Variants in DMD observed in about 807,000 individuals in gnomAD.
DMD encodes dystrophin, also known as mutant dystrophin.
In DMD, 63 loss-of-function variants were observed where a neutral mutation model predicts 330.1. That is an observed-to-expected ratio of 0.19 (90% CI 0.16 to 0.24). DMD has a LOEUF of 0.24. Among genes scored for constraint, DMD ranks in the 10% least tolerant of loss-of-function variants. The probability of loss-of-function intolerance (pLI) is 1.00; values close to 1 mark genes in which losing one functional copy is unlikely to be tolerated. For synonymous variants in DMD, 1,223 were observed against 959.8 expected (o/e 1.27, Z -5.07); for missense variants, 3,344 against 2,684.1 (o/e 1.25, Z -5.43).
chrX:32,397,635 T>A (rs1439443566), intron 30 of DMD, among the ~76,000 whole-genome samples: 1 of 111,920 alleles, frequency 8.9e-6, no homozygotes, highest in African/African-American at 3.2e-5. Context: ...ATTAACCATT[T>A]TTCCATTGAA....
intron 9 of DMD, among the ~76,000 whole-genome samples, chrX:32,653,942 G>A (rs1046094079): frequency 2.7e-5 from 3 of 111,771 alleles, no homozygotes; most frequent in African/African-American, 9.8e-5. Context: ...GTTCACTCAT[G>A]ATTTGCCTCT....
rs768351017 is a variant in DMD at position 32,390,111 on chromosome X, T to G, written c.4304A>C (p.Glu1435Ala). 8.3e-7 allele frequency: 1 copy of G among 1,210,467 alleles called. No homozygotes were observed. The highest frequency in any genetic ancestry group is 3.0e-5 in the East Asian group (1 of 33,770). The change falls in exon 31 of 79, where the codon GAG becomes GCG. Residue 1435 changes from glutamate (E) to alanine (A), a missense_variant. Glu to Ala is a moderately radical substitution (Grantham distance 107). Coordinates refer to ENST00000357033, the MANE Select transcript of DMD (RefSeq NM_004006.3). ...EEMKKHNQGK[E>A]AAQRVLSQID... ...CTGAGACAGGACTCTTTGGGCAGCC[T>G]CCTTCCCCTGATTATGTTTCTTCAT...
intron 30 of DMD, among the ~76,000 whole-genome samples, chrX:32,396,338 A>G (rs969777875): frequency 1.1e-4 from 12 of 111,722 alleles, no homozygotes; most frequent in African/African-American, 3.9e-4. Flanking sequence ...GAAAAAAATC[A>G]TCATTGAACA....
chrX:32,348,558 C>A (rs760266703), intron 37 of DMD, 30 bp from the exon 38 acceptor site: 1 of 1,157,575 alleles, frequency 8.6e-7, no homozygotes, highest in South Asian at 1.9e-5. Context: ...TACTTTAAAT[C>A]AAAATTACTT....
At chrX:31,444,976 C>T (rs1170313200) in intron 59 of DMD, among the ~76,000 whole-genome samples, 1 of 111,018 alleles carries the variant, frequency 9.0e-6, no homozygotes, top group Non-Finnish European at 1.9e-5. Flanking sequence ...TCCCCAGACA[C>T]CAAATCTGCT....
chrX:32,001,094 C>G (rs904267938), intron 44 of DMD, among the ~76,000 whole-genome samples: 4 of 111,187 alleles, frequency 3.6e-5, no homozygotes, highest in Non-Finnish European at 7.6e-5. Flanking sequence ...TCAGTGGTTT[C>G]CAGGGGCTGG....
intron 54 of DMD, among the ~76,000 whole-genome samples, chrX:31,630,468 ACGGCTTCAACATTTCTCT>A (rs1393437838): frequency 9.0e-6 from 1 of 111,288 alleles, no homozygotes; most frequent in Non-Finnish European, 1.9e-5. Context: ...TGGGGGTTTT[ACGGCTTCAACATTTCTCT>A]CGGAATCTAT....
rs750216245 is a variant in DMD at position 31,634,521 on chromosome X, G to A, written c.8028-6659C>T. Among the ~76,000 whole-genome samples the A allele has an allele frequency of 1.1e-4, 12 of 111,375 alleles. No homozygotes were observed. In the East Asian group the frequency reaches 3.4e-3, roughly 31 times the overall value. ...AAACCACAGCTTTGAAGCTATCTGTGTAAACTTCCTTCACTGATACAGACA... is the reference window on the plus strand; with the variant it reads ...AAACCACAGCTTTGAAGCTATCTGTATAAACTTCCTTCACTGATACAGACA... On this transcript the variant is annotated intron_variant, in intron 54 of 78. Coordinates refer to ENST00000357033, the MANE Select transcript of DMD (RefSeq NM_004006.3).
chrX:32,111,434 G>A (rs2096588957), intron 44 of DMD, among the ~76,000 whole-genome samples: 1 of 111,851 alleles, frequency 8.9e-6, no homozygotes, highest in Non-Finnish European at 1.9e-5. Flanking sequence ...AGAACAATGA[G>A]CCACTTTGTT....
chrX:32,512,238 T>G (rs2045414640), intron 18 of DMD, among the ~76,000 whole-genome samples: 1 of 112,090 alleles, frequency 8.9e-6, no homozygotes, highest in East Asian at 2.8e-4. Flanking sequence ...AAAAGCCTCC[T>G]CTTTCTGTAT....
At chrX:32,702,308 T>A (rs929451953) in intron 7 of DMD, among the ~76,000 whole-genome samples, 1 of 111,997 alleles carries the variant, frequency 8.9e-6, no homozygotes, top group African/African-American at 3.2e-5. Flanking sequence ...GGCAATTCTC[T>A]TTAAATAGGA....
At chrX:31,836,310 A>G (rs2093196807) in intron 49 of DMD, among the ~76,000 whole-genome samples, 1 of 112,497 alleles carries the variant, frequency 8.9e-6, no homozygotes, top group Non-Finnish European at 1.9e-5. Flanking sequence ...AAGGTCACGG[A>G]CCATATTGTG....
chrX:32,815,520 T>TATATATATATATACACACACAC, intron 6 of DMD, among the ~76,000 whole-genome samples: 88 of 78,886 alleles, frequency 1.1e-3, no homozygotes, highest in African/African-American at 4.5e-3. Flanking sequence ...TATATATATA[T>TATATATATATATACACACACAC]ACACACACAC....
At chrX:31,323,780 C>A in intron 61 of DMD, 122 bp from the exon 62 acceptor site, 1 of 646,293 alleles carries the variant, frequency 1.5e-6, no homozygotes, top group Non-Finnish European at 2.5e-6. Flanking sequence ...CTCAGCTGCC[C>A]ATGAAGACAG....
At chrX:31,964,037 T>G (rs1309895564) in intron 45 of DMD, among the ~76,000 whole-genome samples, 1 of 111,614 alleles carries the variant, frequency 9.0e-6, no homozygotes, top group Non-Finnish European at 1.9e-5. Context: ...GACTACTTCA[T>G]ATGATGCACC....
chrX:33,319,874 AAT>A (rs1316116827), intron 1 of DMD, among the ~76,000 whole-genome samples: 1 of 111,858 alleles, frequency 8.9e-6, no homozygotes, highest in Non-Finnish European at 1.9e-5. Context: ...TTTGTGGTGA[AAT>A]AGACTCTCCA....
At chrX:33,261,626 G>GAACACACACACACACACACACA (rs1467313101) in intron 1 of DMD, among the ~76,000 whole-genome samples, 2 of 39,403 alleles carry the variant, frequency 5.1e-5, no homozygotes, top group East Asian at 1.7e-3. Flanking sequence ...GATACGGGAA[G>GAACACACACACACACACACACA]AACACACACA....
At chrX:31,366,482 A>AAAAAT (rs2059244262) in intron 60 of DMD, among the ~76,000 whole-genome samples, 1 of 100,246 alleles carries the variant, frequency 1.0e-5, no homozygotes, top group African/African-American at 3.8e-5. Context: ...AAAAAAAAAA[A>AAAAAT]AAAAAAAAAA....
intron 1 of DMD, among the ~76,000 whole-genome samples, chrX:33,062,105 G>A (rs1482063510): frequency 8.9e-6 from 1 of 111,908 alleles, no homozygotes; most frequent in Non-Finnish European, 1.9e-5. Flanking sequence ...TAAATAGACG[G>A]TAAGAAAATA....
Sources: gnomAD v4.1 joint callset for allele counts (sites outside exome capture counted in the v4.1 genomes callset) on GRCh38, gnomAD v4.1.1 for gene constraint, MANE v1.5 for transcripts, NCBI Gene and HGNC (gene_info 2026-07-23, HGNC 2026-07-21) for gene names.